Variants in SEC14L5 observed in about 807,000 individuals in gnomAD.
SEC14L5 encodes SEC14-like protein 5.
In SEC14L5, 96 loss-of-function variants were observed where a neutral mutation model predicts 84.6. The observed-to-expected ratio is 1.13, with a 90% CI of 0.96 to 1.34. SEC14L5 has a LOEUF of 1.34. Among genes scored for constraint, SEC14L5 ranks in the 40% most tolerant of loss-of-function variants. SEC14L5 has a pLI of 0.00. For missense variants in SEC14L5, 1,224 were observed against 942.5 expected (o/e 1.30, Z -3.91); for synonymous variants, 546 against 383.4 (o/e 1.42, Z -4.95).
intron 2 of SEC14L5, among the ~76,000 whole-genome samples, chr16:4,962,685 T>G: frequency 2.3e-5 from 1 of 42,912 alleles, no homozygotes. Context: ...AAACTCTGTC[T>G]CAAAAAAAAA....
chr16:4,962,165 C>CAAAAAAAAAAAAAAAAAAAAA (rs540573784), intron 2 of SEC14L5, among the ~76,000 whole-genome samples: 1 of 72,978 alleles, frequency 1.4e-5, no homozygotes, highest in Non-Finnish European at 2.7e-5. Context: ...GACTCTGTCT[C>CAAAAAAAAAAAAAAAAAAAAA]AAAAAAAAAA....
chr16:4,990,992 G>T, intron 5 of SEC14L5, 97 bp downstream of exon 5: 1 of 1,018,282 alleles, frequency 9.8e-7, no homozygotes, highest in Non-Finnish European at 1.4e-6. Context: ...TACCCTTCCT[G>T]GGCTCAGTGT....
At position 4,987,621 on chromosome 16, in the gene SEC14L5, G is replaced by C; in HGVS notation, c.128G>C (p.Arg43Pro). 6.4e-7 allele frequency: 1 copy of C among 1,558,322 alleles called. No individual in the cohort carries two copies. The highest frequency in any genetic ancestry group is 8.7e-7 in the Non-Finnish European group (1 of 1,152,250). The change falls in exon 3 of 16, where the codon CGC becomes CCC. Residue 43 changes from arginine (R) to proline (P), a missense_variant. Physicochemically the swap from Arg to Pro is moderately radical, Grantham distance 103 (BLOSUM62 -2). Coordinates refer to ENST00000251170, the MANE Select transcript of SEC14L5 (RefSeq NM_014692.2). ...GTCTTCCTGGGCAGCGAGGTCTTGC[G>C]CGAGTCCCGCAGCCCGGACGGGGCT... ...IPVFLGSEVLRESRSPDGAVH... is the reference protein window; with the variant it reads ...IPVFLGSEVLPESRSPDGAVH...
intron 6 of SEC14L5, among the ~76,000 whole-genome samples, chr16:4,995,037 C>T (rs944500776): frequency 2.0e-5 from 3 of 152,302 alleles, no homozygotes; most frequent in Non-Finnish European, 2.9e-5. Context: ...CTGGACAATT[C>T]GCCCTCTGCC....
Position 4,996,940 on chromosome 16 carries a change from T to G in SEC14L5, c.866T>G (p.Leu289Trp). The G allele has an allele frequency of 6.2e-7, 1 of 1,613,218 alleles. No homozygotes were observed. The highest frequency in any genetic ancestry group is 2.2e-5 in the East Asian group (1 of 44,860). ...DKAREMLRQSLSWRKQHQVDL... is the reference protein window; with the variant it reads ...DKAREMLRQSWSWRKQHQVDL... ...GCCCGGGAAATGCTGCGCCAGTCCT[T>G]GAGCTGGCGCAAGCAGCACCAGGTG... Residue 289 changes from leucine (L) to tryptophan (W), a missense_variant, in exon 8 of 16, where the codon TTG becomes TGG. Leu to Trp is a moderately conservative substitution (Grantham distance 61, BLOSUM62 -2). Transcript: ENST00000251170.
In SEC14L5 at chr16:5,016,329, GC is replaced by G. The variant is rs932979121; in HGVS notation, c.*1361del. On this transcript the variant is annotated 3_prime_UTR_variant, in exon 16 of 16. Transcript: ENST00000251170. Reference sequence around the variant, plus strand: ...GCCAGTCAGGGGTCACCAACTTGAAGCCTGATCTGGCCTGCTTTTAGTGTTG... The same window carrying G: ...GCCAGTCAGGGGTCACCAACTTGAAGCTGATCTGGCCTGCTTTTAGTGTTG... 6.6e-6 allele frequency: 1 copy of G among 152,206 alleles called. No homozygotes were observed. The highest frequency in any genetic ancestry group is 2.4e-5 in the African/African-American group (1 of 41,456). The allele number at this position is 152,206 out of a possible 1,614,324, so 9.4% of individuals were successfully genotyped here.
chr16:4,992,046 C>A lies in SEC14L5; in HGVS notation c.667+16C>A. ...AGTATGGACGGTAGGTGGTACAGCC[C>A]AGGCCAGTCAGCCCTAGGAGGCTGC... On this transcript the variant is annotated intron_variant, in intron 6 of 15. Coordinates refer to ENST00000251170, the MANE Select transcript of SEC14L5 (RefSeq NM_014692.2). 8.6e-6 allele frequency: 13 copies of A among 1,519,372 alleles called. No homozygotes were observed. The highest frequency in any genetic ancestry group is 7.9e-6 in the Non-Finnish European group (9 of 1,137,904). 94.1% of individuals were successfully genotyped at this position (1,519,372 alleles called of 1,614,324 possible).
intron 2 of SEC14L5, chr16:4,960,433 A>T (rs947888791): frequency 2.0e-5 from 3 of 152,122 alleles, no homozygotes; most frequent in African/African-American, 7.2e-5. Flanking sequence ...CCTTCTATCC[A>T]GGGACTTTCA....
At chr16:5,003,257 C>A in intron 10 of SEC14L5, 145 bp from the exon 11 acceptor site, 1 of 637,204 alleles carries the variant, frequency 1.6e-6, no homozygotes, top group Non-Finnish European at 2.7e-6. Context: ...TCCTCTTCAT[C>A]GCATGGGCTC....
At position 5,007,889 on chromosome 16, in the gene SEC14L5, A is replaced by C. The variant is rs866452086; in HGVS notation, c.1572+403A>C. Among the ~76,000 whole-genome samples the C allele has an allele frequency of 3.2e-3, 449 of 141,346 alleles. 3 individuals carry two copies. The highest frequency in any genetic ancestry group is 2.2e-3 in the Non-Finnish European group (148 of 66,078). 92.7% of individuals were successfully genotyped at this position (141,346 alleles called of 152,430 possible). ...CCAAAGTTCTGGGATTATAGGCGGG[A>C]GCCACGGCGCCTGGCCTCTTTTTTT... On this transcript the variant is annotated intron_variant, in intron 13 of 15. Transcript: ENST00000251170.
At chr16:4,964,790 GC>G (rs1302491242) in intron 2 of SEC14L5, among the ~76,000 whole-genome samples, 2 of 151,476 alleles carry the variant, frequency 1.3e-5, no homozygotes, top group Non-Finnish European at 2.9e-5. Context: ...GGGTGCAGTG[GC>G]CTGATGTTGG....
chr16:4,965,861 G>A (rs954152321), intron 2 of SEC14L5, among the ~76,000 whole-genome samples: 2 of 151,666 alleles, frequency 1.3e-5, no homozygotes, highest in African/African-American at 2.4e-5. Context: ...GGGCAACATA[G>A]GGAGTCCCCA....
chr16:4,983,251 T>C (rs1048547051), intron 2 of SEC14L5, among the ~76,000 whole-genome samples: 14 of 151,954 alleles, frequency 9.2e-5, no homozygotes, highest in Admixed American at 3.9e-4. Context: ...TGACCTTAAA[T>C]GATCTGCCTG....
At chr16:4,991,565 C>CA (rs1020817904) in intron 5 of SEC14L5, among the ~76,000 whole-genome samples, 3 of 151,098 alleles carry the variant, frequency 2.0e-5, no homozygotes, top group Non-Finnish European at 2.9e-5. Flanking sequence ...GACACTGTCT[C>CA]AAAAAAAATA....
At chr16:4,985,365 A>G (rs1278105762) in intron 2 of SEC14L5, among the ~76,000 whole-genome samples, 3 of 152,102 alleles carry the variant, frequency 2.0e-5, no homozygotes, top group African/African-American at 7.2e-5. Context: ...AGCTGGGATT[A>G]CAGGTGCATG....
At chr16:4,962,710 T>G (rs1276471375) in intron 2 of SEC14L5, among the ~76,000 whole-genome samples, 1 of 118,594 alleles carries the variant, frequency 8.4e-6, no homozygotes, top group African/African-American at 2.9e-5. Flanking sequence ...AAAAAAAAAC[T>G]TCCTTATCTG....
At position 5,015,312 on chromosome 16, in the gene SEC14L5, C is replaced by T. The variant is rs555600879; in HGVS notation, c.*342C>T. ...CTCTGTCCACCTCTTGCTCTGCTTT[C>T]GCCATGCAGGGGACCATCACTATCA... On this transcript the variant is annotated 3_prime_UTR_variant, in exon 16 of 16. Transcript: ENST00000251170. The T allele has an allele frequency of 3.1e-4, 78 of 253,020 alleles. No homozygotes were observed. The highest frequency in any genetic ancestry group is 1.3e-3 in the Middle Eastern group (1 of 760). 15.7% of individuals were successfully genotyped at this position (253,020 alleles called of 1,614,324 possible). A position where few individuals can be genotyped will look rare whatever the true frequency, so the allele number is the denominator to read the frequency against.
At chr16:5,002,193 C>G (rs1405022250) in intron 10 of SEC14L5, among the ~76,000 whole-genome samples, 3 of 152,218 alleles carry the variant, frequency 2.0e-5, no homozygotes, top group African/African-American at 7.2e-5. Context: ...TTTCCTCCTC[C>G]TAAACAGCCC....
At chr16:4,982,437 C>G (rs1400985675) in intron 2 of SEC14L5, among the ~76,000 whole-genome samples, 5 of 152,200 alleles carry the variant, frequency 3.3e-5, no homozygotes, top group Admixed American at 6.5e-5. Flanking sequence ...GAACTGGGCA[C>G]GGACCCTTGC....
Sources: allele counts gnomAD v4.1 joint callset (sites outside exome capture counted in the v4.1 genomes callset), GRCh38; gene constraint gnomAD v4.1.1; transcripts MANE v1.5; gene names NCBI Gene and HGNC (gene_info 2026-07-23, HGNC 2026-07-21).